CLEC4C: variants seen among roughly 807,000 people sequenced by gnomAD.
CLEC4C encodes the protein C-type (calcium dependent, carbohydrate-recognition domain) lectin, superfamily member 11.
In CLEC4C, 17 loss-of-function variants were observed where a neutral mutation model predicts 27.7. That is an observed-to-expected ratio of 0.61 (90% CI 0.42 to 0.92). CLEC4C has a LOEUF of 0.92. CLEC4C is among the 40% of genes least tolerant of loss of function. The probability of loss-of-function intolerance (pLI) is 0.00; values close to 1 mark genes in which losing one functional copy is unlikely to be tolerated. For synonymous variants in CLEC4C, 80 were observed against 80.8 expected (o/e 0.99, Z 0.06); for missense variants, 244 against 257.3 (o/e 0.95, Z 0.35).
chr12:7,743,622 G>A (rs980666764), intron 2 of CLEC4C, among the ~76,000 whole-genome samples: 4 of 151,634 alleles, frequency 2.6e-5, no homozygotes, highest in Admixed American at 6.6e-5. Context: ...CTCGTGATCC[G>A]TCCGCCTCGG....
chr12:7,747,972 G>A (rs1865023224), upstream of CLEC4C, among the ~76,000 whole-genome samples: 1 of 148,306 alleles, frequency 6.7e-6, no homozygotes, highest in Non-Finnish European at 1.5e-5. Flanking sequence ...CCCAGTCTCA[G>A]GTATGTCTTT....
At chr12:7,737,690 T>A (rs762631563) in intron 3 of CLEC4C, 116 bp from the exon 4 acceptor site, 5 of 1,001,282 alleles carry the variant, frequency 5.0e-6, no homozygotes, top group Non-Finnish European at 7.2e-6. Flanking sequence ...CTCCACGGAT[T>A]TTCCAAAGCT....
At chr12:7,733,815 T>G (rs1864657672) in intron 4 of CLEC4C, among the ~76,000 whole-genome samples, 1 of 152,008 alleles carries the variant, frequency 6.6e-6, no homozygotes, top group African/African-American at 2.4e-5. Flanking sequence ...CCTCAAGTGA[T>G]CTGCCCACCT....
chr12:7,741,775 A>G (rs1864861657), intron 2 of CLEC4C, among the ~76,000 whole-genome samples: 1 of 152,154 alleles, frequency 6.6e-6, no homozygotes. Flanking sequence ...TCACACCTGT[A>G]ATCCCAGCGC....
chr12:7,746,232 AAG>A (rs1864978641), intron 2 of CLEC4C, 97 bp downstream of exon 2: 9 of 718,232 alleles, frequency 1.3e-5, no homozygotes, highest in South Asian at 1.8e-5. Flanking sequence ...AAAAAAAAAA[AAG>A]AAAAAAAAAG....
rs372099582 is a variant in CLEC4C, at chr12:7,737,413, G to C, written c.381+16C>G. Reference sequence around the variant, plus strand: ...AGGAAACAGATTAGCTGACCACCTTGCCTGTTAGAACATACCTGTTCTTCC... The same window carrying C: ...AGGAAACAGATTAGCTGACCACCTTCCCTGTTAGAACATACCTGTTCTTCC... On this transcript the variant is annotated intron_variant, in intron 4 of 5. Coordinates refer to ENST00000360345, the MANE Select transcript of CLEC4C (RefSeq NM_001371390.1). 2.4e-5 allele frequency: 38 copies of C among 1,577,550 alleles called. No homozygotes were observed. In the East Asian group the frequency reaches 7.4e-4, roughly 31 times the overall value.
At position 7,735,372 on chromosome 12, in the gene CLEC4C, A is replaced by C. The variant is rs773393010; in HGVS notation, c.381+2057T>G. Among the ~76,000 whole-genome samples the C allele has an allele frequency of 4.6e-3, 701 of 151,400 alleles. 4 individuals are homozygous for C. The highest frequency in any genetic ancestry group is 0.016 in the African/African-American group (664 of 41,238). On this transcript the variant is annotated intron_variant, in intron 4 of 5. Transcript: ENST00000360345. ...ACAAAAATTAGCTGGGCGTGGTTGCAGGCGCCTGTAATCCCAGCTATTCAG... is the reference window on the plus strand; with the variant it reads ...ACAAAAATTAGCTGGGCGTGGTTGCCGGCGCCTGTAATCCCAGCTATTCAG...
chr12:7,733,767 C>G (rs1864656204), intron 4 of CLEC4C, among the ~76,000 whole-genome samples: 1 of 152,018 alleles, frequency 6.6e-6, no homozygotes, highest in African/African-American at 2.4e-5. Context: ...AGGCGTGAGC[C>G]ACCGCACCTG....
intron 4 of CLEC4C, among the ~76,000 whole-genome samples, chr12:7,732,632 G>A (rs372203622): frequency 1.9e-4 from 29 of 151,920 alleles, no homozygotes; most frequent in East Asian, 1.2e-3. Context: ...GATTACAGGC[G>A]TGAGCCACCG....
At chr12:7,743,004 A>G (rs1260922330) in intron 2 of CLEC4C, among the ~76,000 whole-genome samples, 3 of 152,094 alleles carry the variant, frequency 2.0e-5, no homozygotes, top group East Asian at 3.8e-4. Context: ...TTGTTTGTTT[A>G]TAAGTTTACA....
At chr12:7,744,751 A>G (rs1463405947) in intron 2 of CLEC4C, among the ~76,000 whole-genome samples, 1 of 152,012 alleles carries the variant, frequency 6.6e-6, no homozygotes, top group African/African-American at 2.4e-5. Context: ...AGTAGCTGGG[A>G]CCACAGGCAC....
chr12:7,737,286 CTGTGTTTTT>C, intron 4 of CLEC4C, 134 bp downstream of exon 4: 1 of 659,194 alleles, frequency 1.5e-6, no homozygotes, highest in Non-Finnish European at 2.4e-6. Context: ...GGAGATTTTC[CTGTGTTTTT>C]TGTTTTTTGG....
At chr12:7,733,004 T>C (rs753492466) in intron 4 of CLEC4C, among the ~76,000 whole-genome samples, 1 of 152,042 alleles carries the variant, frequency 6.6e-6, no homozygotes, top group East Asian at 1.9e-4. Flanking sequence ...AAATTAGTCA[T>C]TGTCTACTAT....
At chr12:7,734,059 C>T (rs1864662882) in intron 4 of CLEC4C, among the ~76,000 whole-genome samples, 1 of 150,782 alleles carries the variant, frequency 6.6e-6, no homozygotes, top group Non-Finnish European at 1.5e-5. Flanking sequence ...CGCCAGGCCT[C>T]AAATAATGTT....
rs751238283 is a variant in CLEC4C at position 7,741,432 on chromosome 12, T to C, written c.224A>G (p.Lys75Arg). The change falls in exon 3 of 6, where the codon AAG (lysine) becomes AGG (arginine). Residue 75 changes from lysine (K) to arginine (R), a missense_variant. Transcript: ENST00000360345. The stretch of plus-strand genomic sequence containing the variant: ...TTGCAGAGTTGTACCTTCTATGTCC[T>C]TTCCTTCCATGACGCAGGTCAGGCT... Reference protein sequence around the residue: ...HPSLTCVMEGKDIEDWSCCPT... With the variant: ...HPSLTCVMEGRDIEDWSCCPT... 3.8e-6 allele frequency: 6 copies of C among 1,590,192 alleles called. No individual in the cohort carries two copies. The South Asian group carries it at 5.5e-5, about 15-fold the overall frequency.
chr12:7,730,831 A>G lies in CLEC4C; in HGVS notation c.463T>C (p.Trp155Arg), dbSNP rs985044174. ...TCATTGTATGGTGTCTGGTCAACCC[A>G]TTGCCAATGTCGCCGACCCCCTGGA... ...SDPGGRRHWQ[W>R]VDQTPYNENV... Residue 155 changes from tryptophan (W) to arginine (R), a missense_variant, in exon 5 of 6, where the codon TGG becomes CGG. By Grantham distance (101) the Trp-to-Arg change is moderately radical (BLOSUM62 -3). Coordinates refer to ENST00000360345, the MANE Select transcript of CLEC4C (RefSeq NM_001371390.1). 6.2e-7 allele frequency: 1 copy of G among 1,607,972 alleles called. No individual in the cohort carries two copies. Among genetic ancestry groups the G allele is most frequent in the Non-Finnish European group, 8.5e-7 (1 of 1,174,716 alleles).
At chr12:7,748,781 G>C (rs114891413), upstream of CLEC4C, among the ~76,000 whole-genome samples, 21 of 152,212 alleles carry the variant, frequency 1.4e-4, no homozygotes, top group African/African-American at 4.1e-4. Flanking sequence ...GAGAAGAAAG[G>C]AGCAAAGGCA....
At chr12:7,739,378 T>C (rs1391334281) in intron 3 of CLEC4C, among the ~76,000 whole-genome samples, 1 of 152,142 alleles carries the variant, frequency 6.6e-6, no homozygotes, top group Non-Finnish European at 1.5e-5. Context: ...CCCAAAGTGC[T>C]GGGATTACAG....
At chr12:7,734,586 TC>T (rs1864677819) in intron 4 of CLEC4C, among the ~76,000 whole-genome samples, 1 of 151,772 alleles carries the variant, frequency 6.6e-6, no homozygotes, top group African/African-American at 2.4e-5. Context: ...TTTTGCTTTT[TC>T]ACCCAGACTG....
Sources: gnomAD v4.1 joint callset for allele counts (sites outside exome capture counted in the v4.1 genomes callset) on GRCh38, gnomAD v4.1.1 for gene constraint, MANE v1.5 for transcripts, NCBI Gene and HGNC (gene_info 2026-07-23, HGNC 2026-07-21) for gene names.